The following GP5 variants were observed in gnomAD, a reference collection of about 807,000 sequenced individuals.
The protein encoded by GP5 is glycoprotein V platelet.
For missense variants in GP5, 755 were observed against 737.1 expected, an observed-to-expected ratio of 1.02 and a Z score of -0.28; for synonymous variants, 382 against 353.9, an observed-to-expected ratio of 1.08 and a Z score of -0.89.
intron 1 of GP5, among the ~76,000 whole-genome samples, 106 bp downstream of exon 1, chr3:194,399,132 C>T (rs1380961200): frequency 3.9e-5 from 6 of 152,124 alleles, no homozygotes; most frequent in South Asian, 2.1e-4. Context: ...GTTTCCTAAG[C>T]GAAATTTTAC....
chr3:194,397,389 G>A lies in GP5; in HGVS notation c.894C>T (p.Asn298=), dbSNP rs1160341301. 3.7e-6 allele frequency: 6 copies of A among 1,611,680 alleles called. No homozygotes were observed. Among genetic ancestry groups the A allele is most frequent in the African/African-American group, 2.7e-5 (2 of 74,938 alleles). The part of the protein sequence containing the change: ...EMGGLQELWL[N]RTQLRTLPAA... Reference sequence around the variant, plus strand: ...CGGGCAGGGTGCGCAGCTGGGTGCGGTTCAGCCACAGCTCCTGCAGGCCCC... The same window carrying A: ...CGGGCAGGGTGCGCAGCTGGGTGCGATTCAGCCACAGCTCCTGCAGGCCCC... The change falls in exon 2 of 2, where the codon AAC becomes AAT. Residue 298 remains asparagine (N), a synonymous_variant. Transcript: ENST00000692618. This position sits in a 1 kb window ranked among gnomAD's most constrained non-coding sequence, Gnocchi z 7.2.
chr3:194,397,965 C>A lies in GP5; in HGVS notation c.318G>T (p.Ser106=), dbSNP rs772042244. 2.5e-6 allele frequency: 4 copies of A among 1,614,090 alleles called. No individual in the cohort carries two copies. Among genetic ancestry groups the A allele is most frequent in the Middle Eastern group, 1.6e-4 (1 of 6,078 alleles). ...DLIKLKTLRL[S]RNKITHLPGA... is the part of the protein sequence containing the mutation. ...CTGGAAGATGCGTGATTTTGTTGCGCGACAGCCTCAGGGTTTTCAGTTTTA... is the reference window on the plus strand; with the variant it reads ...CTGGAAGATGCGTGATTTTGTTGCGAGACAGCCTCAGGGTTTTCAGTTTTA... Residue 106 remains serine, a synonymous_variant, in exon 2 of 2, where the codon TCG becomes TCT. Transcript: ENST00000692618. This position sits in a 1 kb window ranked among gnomAD's most constrained non-coding sequence, Gnocchi z 7.2.
At position 194,398,325 on chromosome 3, in the gene GP5, C is replaced by T. The variant is rs760822849; in HGVS notation, c.-2-41G>A. ...TGGGAGTGTGGTCAACACACAGGAG[C>T]GTTCGCGCCTGTACTGAACCCTGGG... is the stretch of plus-strand genomic sequence containing the variant. On this transcript the variant is annotated intron_variant, in intron 1 of 1. Transcript: ENST00000692618. 7 of 1,523,458 alleles carry T rather than the reference C, an allele frequency of 4.6e-6. No individual in the cohort carries two copies. In the African/African-American group the frequency reaches 8.3e-5, roughly 18 times the overall value. The allele number at this position is 1,523,458 out of a possible 1,614,324, so 94.4% of individuals were successfully genotyped here. A position where few individuals can be genotyped will look rare whatever the true frequency, so the allele number is the denominator to read the frequency against.
In GP5 at chr3:194,397,386, G is replaced by T; in HGVS notation, c.897C>A (p.Arg299=). Residue 299 remains arginine (R), a synonymous_variant, in exon 2 of 2, where the codon CGC becomes CGA. Coordinates refer to ENST00000692618, the MANE Select transcript of GP5 (RefSeq NM_004488.2). The surrounding 1 kb of genome is among the most constrained non-coding windows in gnomAD (Gnocchi z 7.2). ...CGGCGGGCAGGGTGCGCAGCTGGGTGCGGTTCAGCCACAGCTCCTGCAGGC... is the reference window on the plus strand; with the variant it reads ...CGGCGGGCAGGGTGCGCAGCTGGGTTCGGTTCAGCCACAGCTCCTGCAGGC... ...MGGLQELWLN[R]TQLRTLPAAA... The T allele has an allele frequency of 6.2e-7, 1 of 1,611,294 alleles. No homozygotes were observed. Among genetic ancestry groups the T allele is most frequent in the Non-Finnish European group, 8.5e-7 (1 of 1,179,718 alleles).
rs753623237 is a variant in GP5 at position 194,398,103 on chromosome 3, C to T, written c.180G>A (p.Met60Ile). ...TNLTHILLFG[M>I]GRGVLQSQSF... is the part of the protein sequence containing the mutation. ...TCTGGCTCTGCAGGACGCCGCGGCC[C>T]ATTCCGAAGAGCAGGATGTGCGTGA... Residue 60 changes from methionine to isoleucine, a missense_variant, in exon 2 of 2, where the codon ATG (methionine) becomes ATA (isoleucine). Physicochemically the swap from Met to Ile is conservative, Grantham distance 10 (BLOSUM62 1). Transcript: ENST00000692618. 6 of 1,613,616 alleles carry T rather than the reference C, an allele frequency of 3.7e-6. No individual in the cohort carries two copies. The highest frequency in any genetic ancestry group is 3.3e-5 in the Admixed American group (2 of 60,008).
chr3:194,397,334 G>A lies in GP5; in HGVS notation c.949C>T (p.Arg317Trp), dbSNP rs1157991558. The A allele has an allele frequency of 6.3e-7, 1 of 1,598,600 alleles. No homozygotes were observed. Among genetic ancestry groups the A allele is most frequent in the Admixed American group, 1.7e-5 (1 of 59,584 alleles). The part of the protein sequence containing the change: ...AAAFRNLSRL[R>W]YLGVTLSPRL... ...GGGCTCAGAGTCACCCCTAAGTACC[G>A]CAGGCGGCTCAGGTTGCGGAAGGCG... The change falls in exon 2 of 2, where the codon CGG (arginine) becomes TGG (tryptophan). Residue 317 changes from arginine (R) to tryptophan (W), a missense_variant. Physicochemically the swap from Arg to Trp is moderately radical, Grantham distance 101. Coordinates refer to ENST00000692618, the MANE Select transcript of GP5 (RefSeq NM_004488.2). This position sits in a 1 kb window ranked among gnomAD's most constrained non-coding sequence, Gnocchi z 7.2.
chr3:194,397,609 A>C lies in GP5; in HGVS notation c.674T>G (p.Phe225Cys). Residue 225 changes from phenylalanine (F) to cysteine (C), a missense_variant, in exon 2 of 2, where the codon TTC becomes TGC. Coordinates refer to ENST00000692618, the MANE Select transcript of GP5 (RefSeq NM_004488.2). This position sits in a 1 kb window ranked among gnomAD's most constrained non-coding sequence, Gnocchi z 7.2. ...GATGGAACGGATGTGATTTCGGTGG[A>C]ACTGCAGCTCCGTCAGGGCGCCCAG... ...NSLGALTELQ[F>C]HRNHIRSIAP... 3 of 1,614,106 alleles carry C rather than the reference A, an allele frequency of 1.9e-6. No individual in the cohort carries two copies. The highest frequency in any genetic ancestry group is 2.5e-6 in the Non-Finnish European group (3 of 1,179,996).
chr3:194,398,332 G>C, intron 1 of GP5, 48 bp from the exon 2 acceptor site: 1 of 1,502,528 alleles, frequency 6.7e-7, no homozygotes, highest in Non-Finnish European at 8.9e-7. Context: ...GAGCGTTCGC[G>C]CCTGTACTGA....
At position 194,397,928 on chromosome 3, in the gene GP5, CCAG is replaced by C. The variant is rs1714510300; in HGVS notation, c.352_354del (p.Leu118del). On this transcript the variant is annotated inframe_deletion, in exon 2 of 2. Coordinates refer to ENST00000692618, the MANE Select transcript of GP5 (RefSeq NM_004488.2). This position sits in a 1 kb window ranked among gnomAD's most constrained non-coding sequence, Gnocchi z 7.2. Reference sequence around the variant, plus strand: ...AACTGCTCCAGGAGCACCATCTTATCCAGCAGCGCACCTGGAAGATGCGTGATT... The same window carrying C: ...AACTGCTCCAGGAGCACCATCTTATCCAGCGCACCTGGAAGATGCGTGATT... The C allele has an allele frequency of 6.2e-7, 1 of 1,614,114 alleles. No individual in the cohort carries two copies. Among genetic ancestry groups the C allele is most frequent in the African/African-American group, 1.3e-5 (1 of 74,944 alleles).
At position 194,396,623 on chromosome 3, in the gene GP5, T is replaced by C; in HGVS notation, c.1660A>G (p.Ile554Val). ...GTTTACCCAAGGGCTCTCTCTCTGA[T>C]TAATTTTCGAAAGAGTTGGCCAATT... ...IKIGQLFRKLIRERALG is the reference protein window; with the variant it reads ...IKIGQLFRKLVRERALG The change falls in exon 2 of 2, where the codon ATC (isoleucine) becomes GTC (valine). Residue 554 changes from isoleucine (I) to valine (V), a missense_variant. Coordinates refer to ENST00000692618, the MANE Select transcript of GP5 (RefSeq NM_004488.2). The C allele has an allele frequency of 6.2e-7, 1 of 1,611,868 alleles. No individual in the cohort carries two copies. The highest frequency in any genetic ancestry group is 8.5e-7 in the Non-Finnish European group (1 of 1,178,526).
chr3:194,396,961 C>A lies in GP5; in HGVS notation c.1322G>T (p.Gly441Val), dbSNP rs1317851726. 2 of 1,561,902 alleles carry A rather than the reference C, an allele frequency of 1.3e-6. No homozygotes were observed. The highest frequency in any genetic ancestry group is 1.9e-5 in the Admixed American group (1 of 53,624). ...PFLGWLRQHL[G>V]LVGGEEPPRC... is the part of the protein sequence containing the mutation. ...TGGGGGCTCTTCCCCGCCCACGAGGCCTAGGTGCTGCCGCAGCCACCCCAG... is the reference window on the plus strand; with the variant it reads ...TGGGGGCTCTTCCCCGCCCACGAGGACTAGGTGCTGCCGCAGCCACCCCAG... Residue 441 changes from glycine (G) to valine (V), a missense_variant, in exon 2 of 2, where the codon GGC (glycine) becomes GTC (valine). By Grantham distance (109) the Gly-to-Val change is moderately radical. Coordinates refer to ENST00000692618, the MANE Select transcript of GP5 (RefSeq NM_004488.2).
intron 1 of GP5, among the ~76,000 whole-genome samples, chr3:194,398,696 C>A (rs1370459097): frequency 6.6e-6 from 1 of 152,226 alleles, no homozygotes; most frequent in Admixed American, 6.5e-5. Flanking sequence ...AAGAAGGGAA[C>A]AGCAAAGTCT....
At chr3:194,398,535 C>T (rs942174191) in intron 1 of GP5, among the ~76,000 whole-genome samples, 4 of 152,178 alleles carry the variant, frequency 2.6e-5, no homozygotes, top group Non-Finnish European at 5.9e-5. Context: ...TTCAAGCTAC[C>T]GAATAGCCAA....
chr3:194,397,840 A>C lies in GP5; in HGVS notation c.443T>G (p.Leu148Arg), dbSNP rs531464548. ...ATTCTGGTTCAGAGCGAGCTCCTGC[A>C]GGTTAACCAGTTTCTGAAACATGTT... ...DQNMFQKLVN[L>R]QELALNQNQL... Residue 148 changes from leucine (L) to arginine (R), a missense_variant, in exon 2 of 2, where the codon CTG becomes CGG. Physicochemically the swap from Leu to Arg is moderately radical, Grantham distance 102 (BLOSUM62 -2). Coordinates refer to ENST00000692618, the MANE Select transcript of GP5 (RefSeq NM_004488.2). This position sits in a 1 kb window ranked among gnomAD's most constrained non-coding sequence, Gnocchi z 7.2. 6.2e-7 allele frequency: 1 copy of C among 1,614,062 alleles called. No individual in the cohort carries two copies. Among genetic ancestry groups the C allele is most frequent in the East Asian group, 2.2e-5 (1 of 44,886 alleles).
rs755888264 is a variant in GP5, at chr3:194,396,820, G to A, written c.1463C>T (p.Ser488Leu). The A allele has an allele frequency of 1.0e-5, 16 of 1,600,202 alleles. No homozygotes were observed. The highest frequency in any genetic ancestry group is 6.7e-5 in the South Asian group (6 of 89,314). The change falls in exon 2 of 2, where the codon TCG becomes TTG. Residue 488 changes from serine (S) to leucine (L), a missense_variant. Physicochemically the swap from Ser to Leu is moderately radical, Grantham distance 145. Coordinates refer to ENST00000692618, the MANE Select transcript of GP5 (RefSeq NM_004488.2). ...PPPRPAADSS[S>L]EAPVHPALAP... The stretch of plus-strand genomic sequence containing the variant: ...CAAGGCTGGGTGGACAGGGGCTTCC[G>A]AGGAGCTGTCCGCAGCGGGGCGGGG...
At position 194,396,884 on chromosome 3, in the gene GP5, C is replaced by G. The variant is rs1307719459; in HGVS notation, c.1399G>C (p.Gly467Arg). The G allele has an allele frequency of 2.6e-6, 4 of 1,538,174 alleles. No individual in the cohort carries two copies. Among genetic ancestry groups the G allele is most frequent in the Non-Finnish European group, 3.5e-6 (4 of 1,148,940 alleles). Residue 467 changes from glycine (G) to arginine (R), a missense_variant, in exon 2 of 2, where the codon GGG becomes CGG. By Grantham distance (125) the Gly-to-Arg change is moderately radical. Coordinates refer to ENST00000692618, the MANE Select transcript of GP5 (RefSeq NM_004488.2). ...HAGLPLWALPGGDAECPGPRG... is the reference protein window; with the variant it reads ...HAGLPLWALPRGDAECPGPRG... ...GGGCCCGGGCACTCCGCGTCACCCC[C>G]CGGCAGGGCCCAGAGCGGCAGGCCG...
At position 194,398,120 on chromosome 3, in the gene GP5, T is replaced by C. The variant is rs781350355; in HGVS notation, c.163A>G (p.Ile55Val). 14 of 1,613,504 alleles carry C rather than the reference T, an allele frequency of 8.7e-6. No individual in the cohort carries two copies. The highest frequency in any genetic ancestry group is 5.9e-6 in the Non-Finnish European group (7 of 1,179,910). The change falls in exon 2 of 2, where the codon ATC becomes GTC. Residue 55 changes from isoleucine (I) to valine (V), a missense_variant. Ile to Val is a conservative substitution (Grantham distance 29). Transcript: ENST00000692618. Reference sequence around the variant, plus strand: ...CCGCGGCCCATTCCGAAGAGCAGGATGTGCGTGAGGTTGGTGGGCAGGCCT... The same window carrying C: ...CCGCGGCCCATTCCGAAGAGCAGGACGTGCGTGAGGTTGGTGGGCAGGCCT... ...ALGLPTNLTH[I>V]LLFGMGRGVL... is the part of the protein sequence containing the mutation.
rs1209872580 is a variant in GP5 at position 194,396,849 on chromosome 3, C to T, written c.1434G>A (p.Pro478=). Residue 478 remains proline (P), a synonymous_variant, in exon 2 of 2, where the codon CCG becomes CCA. Coordinates refer to ENST00000692618, the MANE Select transcript of GP5 (RefSeq NM_004488.2). ...AGCTGTCCGCAGCGGGGCGGGGAGG[C>T]GGGCCCCGGGGGCCCGGGCACTCCG... is the stretch of plus-strand genomic sequence containing the variant. ...GDAECPGPRG[P]PPRPAADSSS... 7 of 1,555,178 alleles carry T rather than the reference C, an allele frequency of 4.5e-6. No individual in the cohort carries two copies. In the African/African-American group the frequency reaches 7.0e-5, roughly 16 times the overall value.
Position 194,396,390 on chromosome 3 carries a change from A to C in GP5, c.*210T>G. The C allele has an allele frequency of 2.0e-6, 1 of 501,686 alleles. No homozygotes were observed. Among genetic ancestry groups the C allele is most frequent in the Non-Finnish European group, 3.5e-6 (1 of 283,472 alleles). The allele number at this position is 501,686 out of a possible 1,614,324, so 31.1% of individuals were successfully genotyped here. On this transcript the variant is annotated 3_prime_UTR_variant, in exon 2 of 2. Coordinates refer to ENST00000692618, the MANE Select transcript of GP5 (RefSeq NM_004488.2). ...CAGTTTCCAGGAACGGGCGGGGGACACAGAGAGGAGGGGTTGCGGGCCTGT... is the reference window on the plus strand; with the variant it reads ...CAGTTTCCAGGAACGGGCGGGGGACCCAGAGAGGAGGGGTTGCGGGCCTGT...
Sources: allele counts gnomAD v4.1 joint callset (sites outside exome capture counted in the v4.1 genomes callset), GRCh38; gene constraint gnomAD v4.1.1; non-coding constraint Gnocchi (gnomAD v3.1); transcripts MANE v1.5; gene names NCBI Gene and HGNC (gene_info 2026-07-23, HGNC 2026-07-21).